The following EIF4G3 variants were observed in gnomAD, a reference collection of about 807,000 sequenced individuals.
The protein encoded by EIF4G3 is eukaryotic translation initiation factor 4 gamma 3.
EIF4G3 carries 34 observed loss-of-function variants against 186.4 expected under a neutral mutation model. That is an observed-to-expected ratio of 0.18 (90% CI 0.14 to 0.24). EIF4G3 has a LOEUF of 0.24. Among genes scored for constraint, EIF4G3 ranks in the 10% least tolerant of loss-of-function variants. The pLI, the probability that EIF4G3 is intolerant of heterozygous loss-of-function variation, is 1.00. For synonymous variants in EIF4G3, 673 were observed against 679.5 expected, an observed-to-expected ratio of 0.99 and a Z score of 0.15; for missense variants, 1,536 against 1,948.5, an observed-to-expected ratio of 0.79 and a Z score of 3.99.
intron 2 of EIF4G3, among the ~76,000 whole-genome samples, chr1:21,108,153 T>G (rs1439395055): frequency 6.6e-6 from 1 of 152,144 alleles, no homozygotes; most frequent in Non-Finnish European, 1.5e-5. Flanking sequence ...AGCAAGGCCC[T>G]GTCTCAAAGA....
intron 18 of EIF4G3, 144 bp downstream of exon 18, chr1:20,893,373 G>T: frequency 1.3e-6 from 1 of 795,032 alleles, no homozygotes; most frequent in Non-Finnish European, 1.8e-6. Context: ...GCTTTAATAT[G>T]AGTATGGAAA....
intron 3 of EIF4G3, among the ~76,000 whole-genome samples, chr1:21,062,546 G>A (rs905970846): frequency 5.3e-5 from 8 of 152,246 alleles, no homozygotes; most frequent in South Asian, 4.2e-4. Context: ...CGGAGAAGAC[G>A]TAAGCAGTAG....
Position 20,917,306 on chromosome 1 carries a change from G to T in EIF4G3, c.1664-12335C>A, listed in dbSNP as rs535244761. 3.9e-5 allele frequency among the ~76,000 whole-genome samples: 6 copies of T among 152,252 alleles called. No homozygotes were observed. In the South Asian group the frequency reaches 1.2e-3, roughly 32 times the overall value. ...AAGCCCAGAGTTTGAGATCAGCCTG[G>T]GCAACATGGCGAAACGGTCTCTACA... is the stretch of plus-strand genomic sequence containing the variant. On this transcript the variant is annotated intron_variant, in intron 14 of 36. Coordinates refer to ENST00000602326, the MANE Select transcript of EIF4G3 (RefSeq NM_001391906.1).
chr1:20,881,804 G>GAAAAT lies in EIF4G3; in HGVS notation c.2425-2289_2425-2285dup, dbSNP rs529082279. On this transcript the variant is annotated intron_variant, in intron 19 of 36. Transcript: ENST00000602326. The stretch of plus-strand genomic sequence containing the variant: ...CCCTGTCTCAAAAAATAATAATAAT[G>GAAAAT]AAAATAAAATAAAATAAAATAAAAT... Among the ~76,000 whole-genome samples the GAAAAT allele has an allele frequency of 1.7e-3, 250 of 150,154 alleles. 1 individual carries two copies. Among genetic ancestry groups the GAAAAT allele is most frequent in the African/African-American group, 4.6e-3 (187 of 40,890 alleles).
chr1:21,007,092 C>T (rs141786197), intron 4 of EIF4G3, among the ~76,000 whole-genome samples: 141 of 152,140 alleles, frequency 9.3e-4, no homozygotes, highest in African/African-American at 3.3e-3. Flanking sequence ...AACTAAGCTG[C>T]CAAATTTTCA....
chr1:21,024,100 A>G (rs369218404), intron 4 of EIF4G3, among the ~76,000 whole-genome samples: 4 of 148,018 alleles, frequency 2.7e-5, no homozygotes, highest in South Asian at 2.2e-4. Context: ...CTCTCCGCCC[A>G]GCAGCCACCC....
chr1:20,862,207 A>ATT, intron 23 of EIF4G3, 21 bp downstream of exon 23: 28 of 1,281,890 alleles, frequency 2.2e-5, no homozygotes, highest in East Asian at 1.3e-4. Flanking sequence ...CAGGCTTATT[A>ATT]TTATTTTTTT....
intron 2 of EIF4G3, among the ~76,000 whole-genome samples, chr1:21,171,686 A>G (rs1458751465): frequency 6.6e-6 from 1 of 152,216 alleles, no homozygotes; most frequent in Non-Finnish European, 1.5e-5. Context: ...ACAAATCTCA[A>G]AAGACAATCA....
At chr1:20,896,347 G>C (rs2088025693) in intron 16 of EIF4G3, among the ~76,000 whole-genome samples, 1 of 148,478 alleles carries the variant, frequency 6.7e-6, no homozygotes, top group South Asian at 2.1e-4. Flanking sequence ...GAGGTGGGAA[G>C]ATCACTTGAG....
chr1:21,073,556 T>C, intron 3 of EIF4G3: 2 of 431,478 alleles, frequency 4.6e-6, no homozygotes, highest in South Asian at 1.7e-5. Context: ...GGTTCAGGTA[T>C]CACCTAAAAT....
intron 30 of EIF4G3, among the ~76,000 whole-genome samples, chr1:20,833,627 G>T (rs1205825166): frequency 6.6e-6 from 1 of 152,100 alleles, no homozygotes; most frequent in Non-Finnish European, 1.5e-5. Context: ...GCCCTGGCCA[G>T]AACTTCCAAC....
At chr1:20,982,904 A>G (rs2078610752) in intron 7 of EIF4G3, among the ~76,000 whole-genome samples, 2 of 152,196 alleles carry the variant, frequency 1.3e-5, no homozygotes, top group African/African-American at 4.8e-5. Context: ...CTTTTTAACT[A>G]ATCAGGTATA....
intron 2 of EIF4G3, among the ~76,000 whole-genome samples, chr1:21,130,325 A>C (rs553294274): frequency 1.3e-5 from 2 of 149,814 alleles, no homozygotes; most frequent in South Asian, 2.1e-4. Context: ...CCGGGGTTCA[A>C]GCAATTCTCC....
intron 2 of EIF4G3, among the ~76,000 whole-genome samples, chr1:21,095,916 T>C (rs993316838): frequency 6.6e-6 from 1 of 152,176 alleles, no homozygotes; most frequent in African/African-American, 2.4e-5. Flanking sequence ...ATGATATTCA[T>C]ATGCAAAAAT....
chr1:20,954,820 T>A (rs994233487), intron 12 of EIF4G3, among the ~76,000 whole-genome samples: 13 of 152,210 alleles, frequency 8.5e-5, no homozygotes, highest in Non-Finnish European at 1.5e-5. Context: ...ACTATAGGTA[T>A]AAATGCTTTA....
intron 7 of EIF4G3, among the ~76,000 whole-genome samples, chr1:20,991,468 G>A (rs373190179): frequency 1.4e-4 from 21 of 151,996 alleles, no homozygotes; most frequent in South Asian, 1.0e-3. Context: ...CTCAGGAGGC[G>A]GAGGCACAAA....
chr1:20,999,586 G>T (rs1188181428), intron 6 of EIF4G3: 1 of 324,272 alleles, frequency 3.1e-6, no homozygotes, highest in South Asian at 2.6e-5. Flanking sequence ...AGTCAAAAGA[G>T]AATTTTCTAT....
At chr1:21,025,154 G>A (rs995511826) in intron 4 of EIF4G3, among the ~76,000 whole-genome samples, 5 of 152,256 alleles carry the variant, frequency 3.3e-5, no homozygotes, top group East Asian at 3.9e-4. Flanking sequence ...CCATAAACAC[G>A]TCAGTAATGC....
At chr1:21,078,670 C>A (rs1182460525) in intron 3 of EIF4G3, among the ~76,000 whole-genome samples, 1 of 152,180 alleles carries the variant, frequency 6.6e-6, no homozygotes, top group Non-Finnish European at 1.5e-5. Context: ...TTGACCACCA[C>A]ACATTACTTG....
Sources: allele counts gnomAD v4.1 joint callset (sites outside exome capture counted in the v4.1 genomes callset), GRCh38; gene constraint gnomAD v4.1.1; transcripts MANE v1.5; gene names NCBI Gene and HGNC (gene_info 2026-07-23, HGNC 2026-07-21).